ATP1A1: variants seen among roughly 807,000 people sequenced by gnomAD.
ATP1A1 encodes sodium/potassium-transporting ATPase subunit alpha-1.
Under a neutral mutation model 114.8 loss-of-function variants are expected in ATP1A1, and 14 were observed. The observed-to-expected ratio is 0.12, with a 90% CI of 0.08 to 0.19. ATP1A1 has a LOEUF of 0.19. ATP1A1 is among the 10% of genes least tolerant of loss of function. The probability of loss-of-function intolerance (pLI) is 1.00; values close to 1 mark genes in which losing one functional copy is unlikely to be tolerated. For synonymous variants in ATP1A1, 471 were observed against 466.3 expected (o/e 1.01, Z -0.13); for missense variants, 524 against 1,290.7 (o/e 0.41, Z 9.10).
At chr1:116,390,938 A>G in intron 10 of ATP1A1, 47 bp downstream of exon 10, 3 of 1,520,918 alleles carry the variant, frequency 2.0e-6, no homozygotes, top group East Asian at 2.2e-5. Flanking sequence ...AGCACATGAG[A>G]ACTGCCATTT....
chr1:116,394,952 T>C (rs1478001944), intron 12 of ATP1A1, among the ~76,000 whole-genome samples, 158 bp from the exon 13 acceptor site: 2 of 152,204 alleles, frequency 1.3e-5, no homozygotes, highest in African/African-American at 4.8e-5. Flanking sequence ...CGTTCATAAA[T>C]GTTAAATAAA....
In ATP1A1 at chr1:116,397,936, C is replaced by T. The variant is rs779993188; in HGVS notation, c.2022C>T (p.Thr674=). The T allele has an allele frequency of 5.0e-6, 8 of 1,613,686 alleles. No individual in the cohort carries two copies. Among genetic ancestry groups the T allele is most frequent in the Non-Finnish European group, 5.9e-6 (7 of 1,179,964 alleles). Residue 674 remains threonine (T), a synonymous_variant, in exon 15 of 23, where the codon ACC becomes ACT. Transcript: ENST00000295598. This position sits in a 1 kb window ranked among gnomAD's most constrained non-coding sequence, Gnocchi z 4.2. ...VVHGSDLKDM[T]SEQLDDILKY... The stretch of plus-strand genomic sequence containing the variant: ...ACGGCAGTGATCTAAAGGACATGAC[C>T]TCCGAGCAGCTGGATGACATTTTGA...
Position 116,404,102 on chromosome 1 carries a change from A to T in ATP1A1, c.3043+127A>T. ...CAGTCTGATTAGCTAAGGTGACTGGACCAGCAAACTGACCATAGTCACATC... is the reference window on the plus strand; with the variant it reads ...CAGTCTGATTAGCTAAGGTGACTGGTCCAGCAAACTGACCATAGTCACATC... On this transcript the variant is annotated intron_variant, in intron 22 of 22. Transcript: ENST00000295598. This position sits in a 1 kb window ranked among gnomAD's most constrained non-coding sequence, Gnocchi z 4.8. The T allele has an allele frequency of 1.1e-6, 1 of 886,438 alleles. No homozygotes were observed. Among genetic ancestry groups the T allele is most frequent in the Non-Finnish European group, 1.8e-6 (1 of 570,220 alleles). 54.9% of individuals were successfully genotyped at this position (886,438 alleles called of 1,614,324 possible).
rs778115677 is a variant in ATP1A1, at chr1:116,384,901, C to T, written c.183+59C>T. ...CCTAGTTTTCCGTATTATATTTTCCCCTGTATTACATACAGGTCTAACCTC... is the reference window on the plus strand; with the variant it reads ...CCTAGTTTTCCGTATTATATTTTCCTCTGTATTACATACAGGTCTAACCTC... On this transcript the variant is annotated intron_variant, in intron 3 of 22. Coordinates refer to ENST00000295598, the MANE Select transcript of ATP1A1 (RefSeq NM_000701.8). This position sits in a 1 kb window ranked among gnomAD's most constrained non-coding sequence, Gnocchi z 5.1. 4 of 1,553,174 alleles carry T rather than the reference C, an allele frequency of 2.6e-6. No individual in the cohort carries two copies. The South Asian group carries it at 3.3e-5, about 13-fold the overall frequency.
chr1:116,384,067 G>A lies in ATP1A1; in HGVS notation c.66G>A (p.Lys22=), dbSNP rs756175297. The A allele has an allele frequency of 4.3e-6, 7 of 1,613,786 alleles. No individual in the cohort carries two copies. The highest frequency in any genetic ancestry group is 5.9e-6 in the Non-Finnish European group (7 of 1,179,914). ...PAAVSEQGDK[K]GKKGKKDRDM... is the part of the protein sequence containing the mutation. The stretch of plus-strand genomic sequence containing the variant: ...CTGTTTCAGAACAAGGTGATAAAAA[G>A]GGCAAAAAGGGCAAAAAAGACAGGG... Residue 22 remains lysine, a synonymous_variant, in exon 2 of 23, where the codon AAG becomes AAA. Coordinates refer to ENST00000295598, the MANE Select transcript of ATP1A1 (RefSeq NM_000701.8). This position sits in a 1 kb window ranked among gnomAD's most constrained non-coding sequence, Gnocchi z 5.1.
At chr1:116,403,581 A>G (rs1653713419) in intron 21 of ATP1A1, among the ~76,000 whole-genome samples, 1 of 152,250 alleles carries the variant, frequency 6.6e-6, no homozygotes, top group South Asian at 2.1e-4. Flanking sequence ...TGGTTAACAG[A>G]AAAGTACTCT....
chr1:116,390,038 C>A, intron 8 of ATP1A1, 175 bp from the exon 9 acceptor site: 1 of 724,792 alleles, frequency 1.4e-6, no homozygotes, highest in African/African-American at 1.8e-5. Flanking sequence ...GATTGCTTTT[C>A]TGGAAGGAAG....
chr1:116,384,613 T>C lies in ATP1A1; in HGVS notation c.124-170T>C, dbSNP rs1306732290. On this transcript the variant is annotated intron_variant, in intron 2 of 22. Transcript: ENST00000295598. This position sits in a 1 kb window ranked among gnomAD's most constrained non-coding sequence, Gnocchi z 5.1. ...TGAAGAGCTGTCAATGATAACTGTG[T>C]GGTTGCAAAGCCACAAAGCGATGGT... is the stretch of plus-strand genomic sequence containing the variant. Among the ~76,000 whole-genome samples the C allele has an allele frequency of 6.6e-6, 1 of 152,240 alleles. No individual in the cohort carries two copies. Among genetic ancestry groups the C allele is most frequent in the East Asian group, 1.9e-4 (1 of 5,204 alleles).
At position 116,399,273 on chromosome 1, in the gene ATP1A1, AT is replaced by A; in HGVS notation, c.2449-144del. 2 of 1,375,912 alleles carry A rather than the reference AT, an allele frequency of 1.5e-6. No homozygotes were observed. Among genetic ancestry groups the A allele is most frequent in the Non-Finnish European group, 2.0e-6 (2 of 1,007,810 alleles). The allele number at this position is 1,375,912 out of a possible 1,614,324, so 85.2% of individuals were successfully genotyped here. On this transcript the variant is annotated intron_variant, in intron 17 of 22. Transcript: ENST00000295598. The surrounding 1 kb of genome is among the most constrained non-coding windows in gnomAD (Gnocchi z 5.0). ...ACCACTCTTCAAGGCAGCAGTTAAC[AT>A]TTGTTTATCAGATGGGAATCTTTAT...
chr1:116,397,567 A>G lies in ATP1A1; in HGVS notation c.1974-321A>G, dbSNP rs1358720572. Among the ~76,000 whole-genome samples, 1 of 152,166 alleles carries G rather than the reference A, an allele frequency of 6.6e-6. No homozygotes were observed. Among genetic ancestry groups the G allele is most frequent in the Non-Finnish European group, 1.5e-5 (1 of 68,016 alleles). On this transcript the variant is annotated intron_variant, in intron 14 of 22. Transcript: ENST00000295598. The surrounding 1 kb of genome is among the most constrained non-coding windows in gnomAD (Gnocchi z 4.2). ...AGTGATCCACTCACCTCAGCCTCCC[A>G]AAGTGCTGGGATTACAGGCATGAGC...
In ATP1A1 at chr1:116,398,886, T is replaced by G; in HGVS notation, c.2294-44T>G. 6.2e-7 allele frequency: 1 copy of G among 1,613,020 alleles called. No individual in the cohort carries two copies. On this transcript the variant is annotated intron_variant, in intron 16 of 22. Coordinates refer to ENST00000295598, the MANE Select transcript of ATP1A1 (RefSeq NM_000701.8). This position sits in a 1 kb window ranked among gnomAD's most constrained non-coding sequence, Gnocchi z 6.1. Reference sequence around the variant, plus strand: ...TCTTGGATATGTTCAGTTTCCAGTGTGCTTGTCTCATAAGCTAACAGTAAA... The same window carrying G: ...TCTTGGATATGTTCAGTTTCCAGTGGGCTTGTCTCATAAGCTAACAGTAAA...
intron 1 of ATP1A1, among the ~76,000 whole-genome samples, chr1:116,380,850 G>A (rs865782580): frequency 3.3e-5 from 5 of 152,040 alleles, no homozygotes; most frequent in Admixed American, 6.5e-5. Context: ...AAATGATGAC[G>A]CTGTGCTAAG....
chr1:116,373,940 C>T lies in ATP1A1; in HGVS notation c.12+417C>T, dbSNP rs535580718. On this transcript the variant is annotated intron_variant, in intron 1 of 22. Coordinates refer to ENST00000295598, the MANE Select transcript of ATP1A1 (RefSeq NM_000701.8). ...CCCCTCCCTGCGACCGCCGTCACCT[C>T]CTTCTCCTTCCTTTTCCCTCCGCCC... The T allele has an allele frequency of 1.5e-4, 199 of 1,337,830 alleles. 2 individuals carry two copies. The East Asian group carries it at 3.9e-3, about 26-fold the overall frequency. 82.9% of individuals were successfully genotyped at this position (1,337,830 alleles called of 1,614,324 possible).
chr1:116,402,333 G>A (rs78513849), intron 21 of ATP1A1, among the ~76,000 whole-genome samples: 3 of 152,206 alleles, frequency 2.0e-5, no homozygotes, highest in Non-Finnish European at 2.9e-5. Context: ...TGATTAAAAC[G>A]TGCAAAGCCA....
At chr1:116,377,983 C>A (rs1324493026) in intron 1 of ATP1A1, among the ~76,000 whole-genome samples, 1 of 152,198 alleles carries the variant, frequency 6.6e-6, no homozygotes, top group African/African-American at 2.4e-5. Context: ...CTAGTCAGGT[C>A]TGAACTTTCT....
In ATP1A1 at chr1:116,396,450, C is replaced by T. The variant is rs557704972; in HGVS notation, c.1837-148C>T. ...ATATATGTTTATATTTTTGGCTAAT[C>T]GATGTTTATTAGTTTTATATTTGCA... On this transcript the variant is annotated intron_variant, in intron 13 of 22. Transcript: ENST00000295598. 2,168 of 1,014,174 alleles carry T rather than the reference C, an allele frequency of 2.1e-3. 3 individuals carry two copies. The highest frequency in any genetic ancestry group is 2.6e-3 in the Non-Finnish European group (1,871 of 719,330). 62.8% of individuals were successfully genotyped at this position (1,014,174 alleles called of 1,614,324 possible).
intron 21 of ATP1A1, among the ~76,000 whole-genome samples, chr1:116,403,101 A>G (rs74111875): frequency 0.011 from 1,617 of 152,334 alleles, 24 homozygotes; most frequent in African/African-American, 0.037. Context: ...GCCACCACCA[A>G]AGAGATTGTT....
rs202098437 is a variant in ATP1A1 at position 116,388,984 on chromosome 1, G to C, written c.719G>C (p.Arg240Thr). 1 of 1,614,208 alleles carries C rather than the reference G, an allele frequency of 6.2e-7. No homozygotes were observed. The highest frequency in any genetic ancestry group is 1.7e-5 in the Admixed American group (1 of 60,030). ...DFTNENPLET[R>T]NIAFFSTNCV... is the part of the protein sequence containing the mutation. ...ACAAATGAAAACCCCCTGGAGACGAGGAACATTGCCTTCTTTTCAACCAAT... is the reference window on the plus strand; with the variant it reads ...ACAAATGAAAACCCCCTGGAGACGACGAACATTGCCTTCTTTTCAACCAAT... The change falls in exon 7 of 23, where the codon AGG (arginine) becomes ACG (threonine). Residue 240 changes from arginine to threonine, a missense_variant. By Grantham distance (71) the Arg-to-Thr change is moderately conservative. Coordinates refer to ENST00000295598, the MANE Select transcript of ATP1A1 (RefSeq NM_000701.8). This position sits in a 1 kb window ranked among gnomAD's most constrained non-coding sequence, Gnocchi z 5.6.
chr1:116,391,471 G>A (rs1258007129), intron 10 of ATP1A1, among the ~76,000 whole-genome samples: 3 of 152,182 alleles, frequency 2.0e-5, no homozygotes, highest in Non-Finnish European at 4.4e-5. Flanking sequence ...ATTTTACTAT[G>A]CTGCCCAAGT....
Sources: gnomAD v4.1 joint callset for allele counts (sites outside exome capture counted in the v4.1 genomes callset) on GRCh38, gnomAD v4.1.1 for gene constraint, Gnocchi (gnomAD v3.1) non-coding constraint, MANE v1.5 for transcripts, NCBI Gene and HGNC (gene_info 2026-07-23, HGNC 2026-07-21) for gene names.